The following RPS6KC1 variants were observed in gnomAD, a reference collection of about 807,000 sequenced individuals.
RPS6KC1 encodes the protein ribosomal protein S6 kinase C1.
A neutral mutation model predicts 103.8 loss-of-function variants in RPS6KC1; 54 were observed. The ratio of observed to expected loss-of-function variants is 0.52; its 90% CI spans 0.42 to 0.65. The LOEUF is 0.65. Ranked by LOEUF, RPS6KC1 falls within the 30% of genes least tolerant of loss-of-function variation. The pLI is 0.00. For synonymous variants in RPS6KC1, 439 were observed against 438.7 expected (o/e 1.00, Z -0.01); for missense variants, 1,151 against 1,253.8 (o/e 0.92, Z 1.24).
At chr1:213,445,630 C>G in the RPS6KC1 span, among the ~76,000 whole-genome samples, 1 of 152,080 alleles carries the variant, frequency 6.6e-6, no homozygotes, top group Non-Finnish European at 1.5e-5. Context: ...GGGACAGATG[C>G]GAGAGAGGAG....
At chr1:213,103,095 G>A in intron 3 of RPS6KC1, among the ~76,000 whole-genome samples, 1 of 151,896 alleles carries the variant, frequency 6.6e-6, no homozygotes, top group East Asian at 1.9e-4. Flanking sequence ...AGCTTCTTGG[G>A]AGGCTGAAGT....
At chr1:213,452,952 A>G in the RPS6KC1 span, among the ~76,000 whole-genome samples, 2 of 152,288 alleles carry the variant, frequency 1.3e-5, no homozygotes, top group Non-Finnish European at 2.9e-5. Flanking sequence ...AGCATTTCCA[A>G]TCTGTCCATG....
intron 8 of RPS6KC1, among the ~76,000 whole-genome samples, chr1:213,188,407 GT>G (rs762444764): frequency 2.0e-5 from 3 of 151,958 alleles, no homozygotes; most frequent in Non-Finnish European, 4.4e-5. Flanking sequence ...GTTCAGAGTT[GT>G]TTTTTGTTTG....
chr1:213,307,914 C>G, the RPS6KC1 span, among the ~76,000 whole-genome samples: 2 of 152,164 alleles, frequency 1.3e-5, no homozygotes, highest in African/African-American at 4.8e-5. Flanking sequence ...ACAGTACTTG[C>G]TTGGGACCTT....
At chr1:213,602,012 TTTTC>T in the RPS6KC1 span, among the ~76,000 whole-genome samples, 2 of 38,772 alleles carry the variant, frequency 5.2e-5, no homozygotes, top group Non-Finnish European at 9.4e-5. Flanking sequence ...TTTTCTTTTC[TTTTC>T]TTTCTTTCTT....
At chr1:213,212,818 C>T (rs1181973517) in intron 8 of RPS6KC1, among the ~76,000 whole-genome samples, 2 of 152,278 alleles carry the variant, frequency 1.3e-5, no homozygotes, top group East Asian at 3.9e-4. Flanking sequence ...TTTGCACTTT[C>T]CTGATGACAT....
the RPS6KC1 span, among the ~76,000 whole-genome samples, chr1:213,411,912 T>C: frequency 6.6e-6 from 1 of 152,178 alleles, no homozygotes; most frequent in Admixed American, 6.5e-5. Context: ...AGCCCTCCTC[T>C]GCCACAGCAA....
the RPS6KC1 span, among the ~76,000 whole-genome samples, chr1:213,825,499 G>C: frequency 3.9e-5 from 6 of 152,154 alleles, no homozygotes; most frequent in Non-Finnish European, 8.8e-5. Flanking sequence ...TTGTGACTGA[G>C]GTTTTCTTTT....
At chr1:213,439,227 GAAAAACCAGCACAGA>G in the RPS6KC1 span, among the ~76,000 whole-genome samples, 1 of 152,102 alleles carries the variant, frequency 6.6e-6, no homozygotes, top group Non-Finnish European at 1.5e-5. Context: ...GCCCTTACAG[GAAAAACCAGCACAGA>G]AAGTCTAGCT....
chr1:213,289,554 A>G, the RPS6KC1 span, among the ~76,000 whole-genome samples: 1 of 152,194 alleles, frequency 6.6e-6, no homozygotes, highest in East Asian at 1.9e-4. Context: ...GATAAATGGC[A>G]GAATGGGACA....
At chr1:213,849,495 A>G in the RPS6KC1 span, among the ~76,000 whole-genome samples, 1 of 152,192 alleles carries the variant, frequency 6.6e-6, no homozygotes, top group Non-Finnish European at 1.5e-5. Context: ...TTCTGATTCT[A>G]CCTATGAATG....
the RPS6KC1 span, among the ~76,000 whole-genome samples, chr1:213,620,340 T>A: frequency 1.3e-5 from 2 of 152,220 alleles, no homozygotes; most frequent in Non-Finnish European, 2.9e-5. Flanking sequence ...GACTCACATA[T>A]CTTGGTACCT....
At chr1:213,792,599 G>T in the RPS6KC1 span, among the ~76,000 whole-genome samples, 1 of 152,154 alleles carries the variant, frequency 6.6e-6, no homozygotes, top group South Asian at 2.1e-4. Flanking sequence ...GTATTCTGTG[G>T]ACTTATAGAT....
chr1:213,697,732 A>G, the RPS6KC1 span, among the ~76,000 whole-genome samples: 1 of 152,226 alleles, frequency 6.6e-6, no homozygotes, highest in African/African-American at 2.4e-5. Flanking sequence ...CTAAAGGGCC[A>G]GGATACAGAT....
intron 1 of RPS6KC1, among the ~76,000 whole-genome samples, chr1:213,064,525 G>T (rs1479589487): frequency 6.6e-6 from 1 of 151,022 alleles, no homozygotes; most frequent in Admixed American, 6.6e-5. Context: ...ATGCCACAAA[G>T]CCTAGCTAAT....
At chr1:213,485,555 AT>A in the RPS6KC1 span, among the ~76,000 whole-genome samples, 1 of 152,186 alleles carries the variant, frequency 6.6e-6, no homozygotes, top group Non-Finnish European at 1.5e-5. Context: ...GTCCATCAGC[AT>A]TATCTAGTGT....
chr1:213,602,413 A>G, the RPS6KC1 span, among the ~76,000 whole-genome samples: 1 of 150,750 alleles, frequency 6.6e-6, no homozygotes, highest in Non-Finnish European at 1.5e-5. Context: ...TCTCTTTTTT[A>G]GTAGAGAGGG....
At chr1:213,841,653 A>ATGTTTC in the RPS6KC1 span, among the ~76,000 whole-genome samples, 1 of 152,164 alleles carries the variant, frequency 6.6e-6, no homozygotes, top group Admixed American at 6.5e-5. Context: ...CCTCATAGAC[A>ATGTTTC]TGTTTCTGCA....
At chr1:213,334,404 G>C in the RPS6KC1 span, among the ~76,000 whole-genome samples, 1 of 152,202 alleles carries the variant, frequency 6.6e-6, no homozygotes, top group Non-Finnish European at 1.5e-5. Flanking sequence ...AGGACCTCCA[G>C]CAGTAAGTAC....
Sources: gnomAD v4.1 joint callset for allele counts (sites outside exome capture counted in the v4.1 genomes callset) on GRCh38, gnomAD v4.1.1 for gene constraint, MANE v1.5 for transcripts, NCBI Gene and HGNC (gene_info 2026-07-23, HGNC 2026-07-21) for gene names.